PDE10A: variants seen among roughly 807,000 people sequenced by gnomAD.
PDE10A encodes the protein cAMP and cAMP-inhibited cGMP 3',5'-cyclic phosphodiesterase 10A.
A neutral mutation model predicts 97.7 loss-of-function variants in PDE10A; 39 were observed. The observed-to-expected ratio is 0.40, with a 90% CI of 0.31 to 0.52. The LOEUF is 0.52. PDE10A is among the 20% of genes least tolerant of loss of function. The pLI, the probability that PDE10A is intolerant of heterozygous loss-of-function variation, is 0.56. For missense variants in PDE10A, 731 were observed against 1,047.8 expected, an observed-to-expected ratio of 0.70 and a Z score of 4.17; for synonymous variants, 371 against 376.8, an observed-to-expected ratio of 0.98 and a Z score of 0.18.
chr6:165,978,520 C>T (rs534441829), intron 1 of PDE10A, among the ~76,000 whole-genome samples: 2 of 152,298 alleles, frequency 1.3e-5, no homozygotes, highest in East Asian at 3.9e-4. Flanking sequence ...GGCACAGTGC[C>T]ACCTATGTGG....
intron 2 of PDE10A, among the ~76,000 whole-genome samples, chr6:165,517,220 C>G (rs1465743754): frequency 6.6e-6 from 1 of 152,106 alleles, no homozygotes; most frequent in Non-Finnish European, 1.5e-5. Context: ...AACTACATGT[C>G]TATGAAATTG....
intron 1 of PDE10A, among the ~76,000 whole-genome samples, chr6:165,834,283 G>A (rs911894611): frequency 4.6e-5 from 7 of 152,198 alleles, no homozygotes; most frequent in Admixed American, 3.3e-4. Flanking sequence ...ATCACTGTTT[G>A]TATTGCCAGG....
chr6:165,518,518 G>T lies in PDE10A; in HGVS notation c.994+24922C>A, dbSNP rs557394172. On this transcript the variant is annotated intron_variant, in intron 2 of 21. Transcript: ENST00000539869. Reference sequence around the variant, plus strand: ...TAGTCAGTAGCTGTCTGGCTTACGGGATCAACCGTCCTGGTATCCCAGTGT... The same window carrying T: ...TAGTCAGTAGCTGTCTGGCTTACGGTATCAACCGTCCTGGTATCCCAGTGT... Among the ~76,000 whole-genome samples the T allele has an allele frequency of 1.9e-4, 29 of 152,162 alleles. No individual in the cohort carries two copies. In the East Asian group the frequency reaches 5.6e-3, roughly 29 times the overall value.
At chr6:165,843,090 G>A (rs746465603) in intron 1 of PDE10A, among the ~76,000 whole-genome samples, 8 of 152,220 alleles carry the variant, frequency 5.3e-5, no homozygotes, top group Non-Finnish European at 7.3e-5. Context: ...ACCTGACAGC[G>A]TAGGGTCAGC....
chr6:165,346,364 A>C (rs1009402721), intron 18 of PDE10A, among the ~76,000 whole-genome samples: 2 of 152,008 alleles, frequency 1.3e-5, no homozygotes, highest in Non-Finnish European at 2.9e-5. Context: ...AATTATTAAC[A>C]CCCATAAGAG....
In PDE10A at chr6:165,722,883, T is replaced by TACAC. The variant is rs561636367; in HGVS notation, c.-614-179319_-614-179316dup. On this transcript the variant is annotated intron_variant, in intron 1 of 19. Coordinates refer to the PDE10A transcript ENST00000366882. ...TAAAATTTGTTCATATATATATATA[T>TACAC]ACACACACACACACACACATATACA... 7.7e-3 allele frequency among the ~76,000 whole-genome samples: 1,141 copies of TACAC among 149,122 alleles called. 11 individuals are homozygous for TACAC. Among genetic ancestry groups the TACAC allele is most frequent in the African/African-American group, 8.5e-3 (342 of 40,198 alleles).
chr6:165,597,495 A>C (rs1207253566), intron 1 of PDE10A, among the ~76,000 whole-genome samples: 1 of 152,204 alleles, frequency 6.6e-6, no homozygotes, highest in Non-Finnish European at 1.5e-5. Flanking sequence ...TTGGCCACAA[A>C]AATGTTTTCT....
At chr6:165,686,252 T>C (rs545479370) in intron 1 of PDE10A, among the ~76,000 whole-genome samples, 1 of 152,192 alleles carries the variant, frequency 6.6e-6, no homozygotes, top group Non-Finnish European at 1.5e-5. Context: ...TGAGATGTGA[T>C]GCATTCAGAG....
intron 2 of PDE10A, among the ~76,000 whole-genome samples, chr6:165,486,199 A>AT (rs1277632761): frequency 6.6e-6 from 1 of 152,154 alleles, no homozygotes; most frequent in Non-Finnish European, 1.5e-5. Context: ...TGTGTGATAT[A>AT]TTTTTCGGGG....
chr6:165,961,818 C>T lies in PDE10A; in HGVS notation c.-615+25711G>A, dbSNP rs980357929. On this transcript the variant is annotated intron_variant, in intron 1 of 19. Transcript: ENST00000366882. ...GAGCCCCTTAATGATTTCTCCTTTC[C>T]AGAAATCCATAATATTCTTCTTAGC... 5.3e-5 allele frequency among the ~76,000 whole-genome samples: 8 copies of T among 152,184 alleles called. 1 individual carries two copies. In the East Asian group the frequency reaches 1.5e-3, roughly 29 times the overall value.
At chr6:165,427,007 C>A (rs1417865525) in intron 10 of PDE10A, among the ~76,000 whole-genome samples, 1 of 152,058 alleles carries the variant, frequency 6.6e-6, no homozygotes, top group Non-Finnish European at 1.5e-5. Context: ...CCCTTGTGCA[C>A]AGCTGCTGGG....
intron 1 of PDE10A, among the ~76,000 whole-genome samples, chr6:165,725,433 G>A (rs1010098804): frequency 7.2e-5 from 11 of 152,202 alleles, no homozygotes; most frequent in Admixed American, 5.2e-4. Context: ...CAAGCTGCCC[G>A]TCTGCATGCT....
intron 1 of PDE10A, among the ~76,000 whole-genome samples, chr6:165,848,355 G>A (rs1459545364): frequency 1.3e-5 from 2 of 151,960 alleles, no homozygotes; most frequent in Non-Finnish European, 2.9e-5. Context: ...ACGGGGCGGT[G>A]GCATCAGGAG....
intron 1 of PDE10A, among the ~76,000 whole-genome samples, chr6:165,659,370 C>G (rs1790121283): frequency 6.6e-6 from 1 of 152,018 alleles, no homozygotes; most frequent in Admixed American, 6.6e-5. Context: ...AATTCTTTTT[C>G]AAAAGACTGA....
chr6:165,412,592 G>C (rs1321118907), intron 13 of PDE10A, among the ~76,000 whole-genome samples: 1 of 152,142 alleles, frequency 6.6e-6, no homozygotes, highest in African/African-American at 2.4e-5. Context: ...CGTGAGGAGA[G>C]AGGACGGGTA....
At chr6:165,566,250 G>A (rs952990400) in intron 1 of PDE10A, among the ~76,000 whole-genome samples, 1 of 152,054 alleles carries the variant, frequency 6.6e-6, no homozygotes, top group African/African-American at 2.4e-5. Flanking sequence ...CAAACAACCT[G>A]ATTATTAAAA....
chr6:165,398,275 G>A (rs1786337287), intron 13 of PDE10A, among the ~76,000 whole-genome samples: 1 of 152,106 alleles, frequency 6.6e-6, no homozygotes, highest in Admixed American at 6.5e-5. Context: ...GAGGCAGGCA[G>A]CAAGACTAGG....
intron 1 of PDE10A, among the ~76,000 whole-genome samples, chr6:165,688,929 T>C (rs990240237): frequency 6.6e-6 from 1 of 152,108 alleles, no homozygotes; most frequent in Non-Finnish European, 1.5e-5. Flanking sequence ...AAGCATGCCT[T>C]GTTATATTGT....
intron 1 of PDE10A, among the ~76,000 whole-genome samples, chr6:165,704,698 C>T (rs1791664678): frequency 1.3e-5 from 2 of 152,302 alleles, no homozygotes; most frequent in East Asian, 1.9e-4. Context: ...GGTTTCACTT[C>T]ACAGGAACTA....
Sources: allele counts gnomAD v4.1 joint callset (sites outside exome capture counted in the v4.1 genomes callset), GRCh38; gene constraint gnomAD v4.1.1; transcripts MANE v1.5; gene names NCBI Gene and HGNC (gene_info 2026-07-23, HGNC 2026-07-21).